Variants in DPYSL5 observed in about 807,000 individuals in gnomAD.
The protein encoded by DPYSL5 is dihydropyrimidinase-related protein 5.
A neutral mutation model predicts 58.4 loss-of-function variants in DPYSL5; 9 were observed. The observed-to-expected ratio is 0.15, with a 90% CI of 0.09 to 0.27. DPYSL5 has a LOEUF of 0.27. DPYSL5 is among the 10% of genes least tolerant of loss of function. The pLI, the probability that DPYSL5 is intolerant of heterozygous loss-of-function variation, is 1.00. For synonymous variants in DPYSL5, 293 were observed against 301.9 expected, an observed-to-expected ratio of 0.97 and a Z score of 0.31; for missense variants, 499 against 770.6, an observed-to-expected ratio of 0.65 and a Z score of 4.17.
intron 2 of DPYSL5, among the ~76,000 whole-genome samples, chr2:26,913,887 A>G (rs1298735229): frequency 6.6e-6 from 1 of 152,042 alleles, no homozygotes; most frequent in African/African-American, 2.4e-5. Context: ...TCTCACCATA[A>G]AAACCATGCA....
At chr2:26,866,727 T>C (rs1179910451) in intron 1 of DPYSL5, among the ~76,000 whole-genome samples, 2 of 148,144 alleles carry the variant, frequency 1.4e-5, no homozygotes, top group African/African-American at 5.2e-5. Flanking sequence ...TTAAAAATTC[T>C]TCTTCTTTTT....
intron 1 of DPYSL5, among the ~76,000 whole-genome samples, chr2:26,859,143 A>G (rs181439718): frequency 4.6e-5 from 7 of 152,306 alleles, no homozygotes; most frequent in African/African-American, 1.7e-4. Context: ...GTTGGAATGT[A>G]CTAGATTCCA....
intron 1 of DPYSL5, among the ~76,000 whole-genome samples, chr2:26,887,848 C>T (rs569199385): frequency 2.2e-4 from 33 of 152,264 alleles, no homozygotes; most frequent in African/African-American, 5.5e-4. Flanking sequence ...CACCTTAACG[C>T]GAACCCATGA....
rs113198755 is a variant in DPYSL5, at chr2:26,879,888, T to TTTGTTGTTG, written c.-4-18595_-4-18587dup. 4.3e-3 allele frequency among the ~76,000 whole-genome samples: 653 copies of TTTGTTGTTG among 151,644 alleles called. 1 individual carries two copies. Among genetic ancestry groups the TTTGTTGTTG allele is most frequent in the Middle Eastern group, 0.024 (7 of 290 alleles). ...CTCTGCTCACCTATGCTGCCACTCG[T>TTTGTTGTTG]TTGTTGTTGTTGTTGTTGTTGAGAC... On this transcript the variant is annotated intron_variant, in intron 1 of 12. Coordinates refer to ENST00000288699, the MANE Select transcript of DPYSL5 (RefSeq NM_020134.4).
chr2:26,868,560 C>G (rs550115843), intron 1 of DPYSL5, among the ~76,000 whole-genome samples: 14 of 152,184 alleles, frequency 9.2e-5, no homozygotes, highest in Non-Finnish European at 1.9e-4. Flanking sequence ...GATGAATAAC[C>G]AGTTGTGCCC....
chr2:26,935,691 CAA>C (rs60367850), intron 8 of DPYSL5, among the ~76,000 whole-genome samples: 1,693 of 122,654 alleles, frequency 0.014, 13 homozygotes, highest in Middle Eastern at 0.036. Context: ...GACTCCATCT[CAA>C]AAAAAAAAAA....
At chr2:26,903,647 C>T (rs1572698103) in intron 2 of DPYSL5, among the ~76,000 whole-genome samples, 1 of 152,058 alleles carries the variant, frequency 6.6e-6, no homozygotes, top group African/African-American at 2.4e-5. Flanking sequence ...ACATCCGAAT[C>T]CCCTGGGTCT....
Position 26,898,746 on chromosome 2 carries a change from T to C in DPYSL5, c.247T>C (p.Tyr83His). Residue 83 changes from tyrosine (Y) to histidine (H), a missense_variant, in exon 2 of 13, where the codon TAC (tyrosine) becomes CAC (histidine). Transcript: ENST00000288699. This position sits in a 1 kb window ranked among gnomAD's most constrained non-coding sequence, Gnocchi z 6.1. Reference sequence around the variant, plus strand: ...GAATGCCACGTGCGTGGACGACTTCTACCATGGGACCAAGGTAATGCTCCT... The same window carrying C: ...GAATGCCACGTGCGTGGACGACTTCCACCATGGGACCAAGGTAATGCTCCT... The part of the protein sequence containing the change: ...FMNATCVDDF[Y>H]HGTKAALVGG... The C allele has an allele frequency of 6.2e-7, 1 of 1,610,678 alleles. No homozygotes were observed.
At chr2:26,889,455 A>G (rs2148130571) in intron 1 of DPYSL5, among the ~76,000 whole-genome samples, 2 of 151,928 alleles carry the variant, frequency 1.3e-5, no homozygotes, top group South Asian at 4.2e-4. Flanking sequence ...TATTTTTAGT[A>G]GACACACAGT....
chr2:26,933,276 C>T lies in DPYSL5; in HGVS notation c.733C>T (p.Leu245=), dbSNP rs748115002. 5.0e-6 allele frequency: 8 copies of T among 1,614,158 alleles called. No individual in the cohort carries two copies. The highest frequency in any genetic ancestry group is 6.8e-6 in the Non-Finnish European group (8 of 1,180,010). ...TGTTTAGACTCACTGTCCAATCTACCTGGTCAACGTGTCCAGTATCTCGGC... is the reference window on the plus strand; with the variant it reads ...TGTTTAGACTCACTGTCCAATCTACTTGGTCAACGTGTCCAGTATCTCGGC... ...IANRTHCPIY[L]VNVSSISAGD... is the part of the protein sequence containing the mutation. Residue 245 remains leucine (L), a synonymous_variant, in exon 7 of 13, where the codon CTG becomes TTG. Coordinates refer to ENST00000288699, the MANE Select transcript of DPYSL5 (RefSeq NM_020134.4). The surrounding 1 kb of genome is among the most constrained non-coding windows in gnomAD (Gnocchi z 4.2).
intron 1 of DPYSL5, among the ~76,000 whole-genome samples, chr2:26,878,697 C>G (rs1663474643): frequency 6.6e-6 from 1 of 152,196 alleles, no homozygotes. Context: ...TGCCACTGCA[C>G]TCAGCATCTT....
chr2:26,940,312 T>C, intron 9 of DPYSL5, 140 bp downstream of exon 9: 2 of 1,064,084 alleles, frequency 1.9e-6, no homozygotes, highest in Non-Finnish European at 2.5e-6. Flanking sequence ...TCCCAGCTGT[T>C]TGTTTCACTC....
intron 1 of DPYSL5, among the ~76,000 whole-genome samples, chr2:26,884,123 A>T (rs975531791): frequency 6.6e-6 from 1 of 152,188 alleles, no homozygotes; most frequent in Non-Finnish European, 1.5e-5. Context: ...AGAGCACGGG[A>T]AGCACAGCAG....
At chr2:26,900,859 T>A (rs145303482) in intron 2 of DPYSL5, among the ~76,000 whole-genome samples, 10 of 152,254 alleles carry the variant, frequency 6.6e-5, no homozygotes, top group Non-Finnish European at 1.3e-4. Flanking sequence ...TGCCACACTG[T>A]CACTATGCTG....
chr2:26,893,121 G>T (rs1663930195), intron 1 of DPYSL5, among the ~76,000 whole-genome samples: 1 of 152,200 alleles, frequency 6.6e-6, no homozygotes, highest in Non-Finnish European at 1.5e-5. Flanking sequence ...GAGTACAGTT[G>T]TCACTCCCAG....
In DPYSL5 at chr2:26,949,053, C is replaced by CT. The variant is rs1230336024; in HGVS notation, c.*2059dup. ...GACCCCAGAAGTGTCTGTGATGACC[C>CT]TCCCAACCTTGGCTATCTACCCCAC... On this transcript the variant is annotated 3_prime_UTR_variant, in exon 13 of 13. Transcript: ENST00000288699. The CT allele has an allele frequency of 6.6e-6, 1 of 152,220 alleles. No individual in the cohort carries two copies. The allele number at this position is 152,220 out of a possible 1,614,324, so 9.4% of individuals were successfully genotyped here. A position where few individuals can be genotyped will look rare whatever the true frequency, so the allele number is the denominator to read the frequency against.
At chr2:26,860,469 A>G (rs944624405) in intron 1 of DPYSL5, among the ~76,000 whole-genome samples, 8 of 152,240 alleles carry the variant, frequency 5.3e-5, no homozygotes, top group Non-Finnish European at 8.8e-5. Context: ...GCAGATTTGC[A>G]GTTTGACACT....
chr2:26,927,541 A>G lies in DPYSL5; in HGVS notation c.600+109A>G, dbSNP rs1475007272. ...GATCCCACAGGATTCAGACAAAATCAGTTGTTAAAGTGTGAGGTGTGGACA... is the reference window on the plus strand; with the variant it reads ...GATCCCACAGGATTCAGACAAAATCGGTTGTTAAAGTGTGAGGTGTGGACA... On this transcript the variant is annotated intron_variant, in intron 4 of 12. Transcript: ENST00000288699. The surrounding 1 kb of genome is among the most constrained non-coding windows in gnomAD (Gnocchi z 4.3). 2 of 1,390,894 alleles carry G rather than the reference A, an allele frequency of 1.4e-6. No individual in the cohort carries two copies. Among genetic ancestry groups the G allele is most frequent in the African/African-American group, 1.4e-5 (1 of 69,944 alleles). 86.2% of individuals were successfully genotyped at this position (1,390,894 alleles called of 1,614,324 possible).
At chr2:26,931,169 A>ATGTGTGTGTGTGTGTGTGTG (rs1324624030) in intron 5 of DPYSL5, among the ~76,000 whole-genome samples, 8 of 45,706 alleles carry the variant, frequency 1.8e-4, no homozygotes, top group African/African-American at 4.9e-4. Flanking sequence ...ATATATATAT[A>ATGTGTGTGTGTGTGTGTGTG]TGTGTGTGTG....
Sources: allele counts gnomAD v4.1 joint callset (sites outside exome capture counted in the v4.1 genomes callset), GRCh38; gene constraint gnomAD v4.1.1; non-coding constraint Gnocchi (gnomAD v3.1); transcripts MANE v1.5; gene names NCBI Gene and HGNC (gene_info 2026-07-23, HGNC 2026-07-21).